The following PRRC2C variants were observed in gnomAD, a reference collection of about 807,000 sequenced individuals.
The protein encoded by PRRC2C is protein PRRC2C.
In PRRC2C, 72 loss-of-function variants were observed where a neutral mutation model predicts 317.2. The observed-to-expected ratio is 0.23, with a 90% CI of 0.19 to 0.28. PRRC2C has a LOEUF of 0.28. Ranked by LOEUF, PRRC2C falls within the 10% of genes least tolerant of loss-of-function variation. PRRC2C has a pLI of 1.00. For missense variants in PRRC2C, 3,074 were observed against 3,459.7 expected (o/e 0.89, Z 2.80); for synonymous variants, 1,296 against 1,205.9 (o/e 1.07, Z -1.55).
Position 171,522,238 on chromosome 1 carries a change from C to T in PRRC2C, c.812C>T (p.Pro271Leu). ...CTACATGGTCCCATGAGATTCCCAC[C>T]TTCTTTATCTGAAACAAACAAGTAA... ...PPLHGPMRFP[P>L]SLSETNKGLR... The change falls in exon 7 of 35, where the codon CCT becomes CTT. Residue 271 changes from proline to leucine, a missense_variant. Physicochemically the swap from Pro to Leu is moderately conservative, Grantham distance 98. This residue lies in a region of PRRC2C where 50 missense variants were observed against 88.3 expected (regional missense o/e 0.57). Coordinates refer to ENST00000647382, the MANE Select transcript of PRRC2C (RefSeq NM_001387844.1). 1.3e-6 allele frequency: 2 copies of T among 1,586,492 alleles called. No homozygotes were observed. The highest frequency in any genetic ancestry group is 2.2e-5 in the South Asian group (2 of 90,008).
intron 4 of PRRC2C, 116 bp from the exon 5 acceptor site, chr1:171,515,617 TC>T (rs1672217237): frequency 4.6e-6 from 4 of 872,878 alleles, no homozygotes; most frequent in African/African-American, 3.4e-5. Context: ...TGAACAGTCA[TC>T]ACTGAAATGT....
intron 17 of PRRC2C, among the ~76,000 whole-genome samples, chr1:171,548,606 A>G (rs1679606305): frequency 6.6e-6 from 1 of 152,202 alleles, no homozygotes; most frequent in South Asian, 2.1e-4. Flanking sequence ...CAGACATTAT[A>G]CCTATAATAA....
chr1:171,582,858 A>T (rs1572137287), intron 28 of PRRC2C, among the ~76,000 whole-genome samples: 2 of 4,844 alleles, frequency 4.1e-4, no homozygotes, highest in Non-Finnish European at 9.9e-4. Context: ...TAAATTTGTT[A>T]AAAAAAAAAA....
At chr1:171,505,969 T>C (rs1670099385) in intron 1 of PRRC2C, among the ~76,000 whole-genome samples, 1 of 152,234 alleles carries the variant, frequency 6.6e-6, no homozygotes, top group Non-Finnish European at 1.5e-5. Context: ...TAACATGCTG[T>C]GCAGGTTTGA....
chr1:171,502,501 C>T (rs180882627), intron 1 of PRRC2C, among the ~76,000 whole-genome samples: 1 of 152,150 alleles, frequency 6.6e-6, no homozygotes. Flanking sequence ...TACCTCTTTG[C>T]TGCCCCTTTT....
intron 23 of PRRC2C, among the ~76,000 whole-genome samples, chr1:171,570,334 TTA>T (rs1388190818): frequency 6.6e-6 from 1 of 152,238 alleles, no homozygotes; most frequent in African/African-American, 2.4e-5. Flanking sequence ...CTTATTTCTC[TTA>T]TTGGGGCTTA....
chr1:171,582,224 A>G (rs1648777801), intron 28 of PRRC2C, among the ~76,000 whole-genome samples: 2 of 152,216 alleles, frequency 1.3e-5, no homozygotes, highest in Non-Finnish European at 2.9e-5. Flanking sequence ...TTTGTTCTGA[A>G]CTTTGTAGTG....
intron 16 of PRRC2C, among the ~76,000 whole-genome samples, chr1:171,544,476 T>C (rs1678671919): frequency 6.6e-6 from 1 of 152,188 alleles, no homozygotes; most frequent in Admixed American, 6.5e-5. Flanking sequence ...AGTTTGCTGT[T>C]CCAGATAATT....
intron 15 of PRRC2C, 146 bp from the exon 16 acceptor site, chr1:171,539,825 C>T (rs770432275): frequency 2.9e-4 from 211 of 739,878 alleles, no homozygotes; most frequent in Non-Finnish European, 3.6e-4. Context: ...GAGTAATTCT[C>T]CTCTAAACTT....
chr1:171,532,262 G>GT, intron 11 of PRRC2C, 81 bp from the exon 12 acceptor site: 1 of 1,422,176 alleles, frequency 7.0e-7, no homozygotes, highest in Admixed American at 2.8e-5. Context: ...TTTTTGTGGG[G>GT]TTTTTCCTTC....
intron 1 of PRRC2C, among the ~76,000 whole-genome samples, chr1:171,487,696 TA>T: frequency 6.6e-6 from 1 of 151,926 alleles, no homozygotes; most frequent in African/African-American, 2.4e-5. Flanking sequence ...TTTATAGGAG[TA>T]AAAAAAGATA....
At chr1:171,567,351 A>G (rs1683862577) in intron 22 of PRRC2C, among the ~76,000 whole-genome samples, 1 of 152,232 alleles carries the variant, frequency 6.6e-6, no homozygotes, top group Non-Finnish European at 1.5e-5. Context: ...GCTCATTAAG[A>G]CAAGATATGT....
intron 4 of PRRC2C, 29 bp downstream of exon 4, chr1:171,514,674 C>G (rs777316883): frequency 6.5e-7 from 1 of 1,529,934 alleles, no homozygotes; most frequent in Admixed American, 2.0e-5. Flanking sequence ...GGGAAGCTGC[C>G]TAGGCTTGAT....
rs774441021 is a variant in PRRC2C at position 171,540,924 on chromosome 1, C to G, written c.3458C>G (p.Pro1153Arg). ...VISKDLVIER[P>R]RPDSRPAVKK... ...AGCAAAGACCTTGTTATAGAGAGGC[C>G]TCGACCAGATTCAAGACCAGCAGTT... Residue 1153 changes from proline (P) to arginine (R), a missense_variant, in exon 16 of 35, where the codon CCT becomes CGT. Pro to Arg is a moderately radical substitution (Grantham distance 103). This residue lies in a region of PRRC2C where 1,320 missense variants were observed against 1,395.7 expected (regional missense o/e 0.95). Coordinates refer to ENST00000647382, the MANE Select transcript of PRRC2C (RefSeq NM_001387844.1). 6.2e-7 allele frequency: 1 copy of G among 1,613,794 alleles called. No individual in the cohort carries two copies. The highest frequency in any genetic ancestry group is 8.5e-7 in the Non-Finnish European group (1 of 1,179,816).
intron 2 of PRRC2C, 63 bp downstream of exon 2, chr1:171,512,263 C>G (rs1391196530): frequency 8.6e-7 from 1 of 1,168,354 alleles, no homozygotes; most frequent in East Asian, 2.7e-5. Flanking sequence ...AAGTGATACA[C>G]CTGCTGCTAT....
At chr1:171,552,832 A>G (rs1280124226) in intron 18 of PRRC2C, among the ~76,000 whole-genome samples, 1 of 152,168 alleles carries the variant, frequency 6.6e-6, no homozygotes, top group Non-Finnish European at 1.5e-5. Context: ...CTTGGTGGAT[A>G]AGCTTTCTGA....
In PRRC2C at chr1:171,532,591, A is replaced by G; in HGVS notation, c.1503A>G (p.Pro501=). ...DEKLGILEKQ[P]SPEEIRERER... ...AGCTTGGCATCCTGGAAAAACAACCATCTCCAGAGGAAATTAGGGAAAGGG... is the reference window on the plus strand; with the variant it reads ...AGCTTGGCATCCTGGAAAAACAACCGTCTCCAGAGGAAATTAGGGAAAGGG... The change falls in exon 12 of 35, where the codon CCA becomes CCG. Residue 501 remains proline, a synonymous_variant. Coordinates refer to ENST00000647382, the MANE Select transcript of PRRC2C (RefSeq NM_001387844.1). 1.3e-6 allele frequency: 2 copies of G among 1,559,644 alleles called. No individual in the cohort carries two copies. Among genetic ancestry groups the G allele is most frequent in the African/African-American group, 1.4e-5 (1 of 73,524 alleles).
At chr1:171,510,639 A>G (rs1019952323) in intron 1 of PRRC2C, 1 of 152,194 alleles carries the variant, frequency 6.6e-6, no homozygotes, top group Non-Finnish European at 1.5e-5. Flanking sequence ...TTCTACATAT[A>G]GTAGCAAATT....
Position 171,523,233 on chromosome 1 carries a change from A to T in PRRC2C, c.846A>T (p.Gly282=). 6.2e-7 allele frequency: 1 copy of T among 1,611,634 alleles called. No homozygotes were observed. Among genetic ancestry groups the T allele is most frequent in the Non-Finnish European group, 8.5e-7 (1 of 1,178,872 alleles). ...TGCCTTTCATTAGAGGCCTTCGAGG[A>T]AGAGGCCCACCTCCTTCATGGGCCT... ...SLSETNKGLR[G]RGPPPSWASE... The change falls in exon 8 of 35, where the codon GGA becomes GGT. Residue 282 remains glycine, a synonymous_variant. Transcript: ENST00000647382.
Sources: allele counts gnomAD v4.1 joint callset (sites outside exome capture counted in the v4.1 genomes callset), GRCh38; gene constraint gnomAD v4.1.1; regional missense constraint gnomAD v4.1.1; transcripts MANE v1.5; gene names NCBI Gene and HGNC (gene_info 2026-07-23, HGNC 2026-07-21).